Variants in RARB observed in about 807,000 individuals in gnomAD.
The protein encoded by RARB is HBV-activated protein.
RARB carries 17 observed loss-of-function variants against 51.9 expected under a neutral mutation model. The ratio of observed to expected loss-of-function variants is 0.33; its 90% CI spans 0.22 to 0.49. The LOEUF (loss-of-function observed/expected upper bound fraction) is 0.49. Ranked by LOEUF, RARB falls within the 20% of genes least tolerant of loss-of-function variation. RARB has a pLI of 0.99. For synonymous variants in RARB, 215 were observed against 195.4 expected (o/e 1.10, Z -0.84); for missense variants, 369 against 550.8 (o/e 0.67, Z 3.30).
intron 5 of RARB, among the ~76,000 whole-genome samples, chr3:25,406,723 G>A (rs1196564645): frequency 6.6e-6 from 1 of 152,200 alleles, no homozygotes; most frequent in Admixed American, 6.5e-5. Context: ...AGCCCATAAT[G>A]GGAATGAAGG....
intron 3 of RARB, among the ~76,000 whole-genome samples, chr3:25,071,686 A>C (rs1332244897): frequency 6.6e-6 from 1 of 152,234 alleles, no homozygotes; most frequent in African/African-American, 2.4e-5. Context: ...TGGCATGATT[A>C]AAAAGGTAAA....
At chr3:25,201,119 G>C (rs904823264) in intron 5 of RARB, among the ~76,000 whole-genome samples, 1 of 151,948 alleles carries the variant, frequency 6.6e-6, no homozygotes, top group Non-Finnish European at 1.5e-5. Context: ...ACAGTCGTTT[G>C]TAGTTCTCCT....
intron 2 of RARB, among the ~76,000 whole-genome samples, chr3:25,012,068 T>C (rs931497083): frequency 1.3e-5 from 2 of 152,090 alleles, no homozygotes; most frequent in African/African-American, 2.4e-5. Context: ...ATAAATTCAA[T>C]CTCAGTGGGG....
At chr3:25,099,716 A>G (rs1407789331) in intron 3 of RARB, among the ~76,000 whole-genome samples, 1 of 151,572 alleles carries the variant, frequency 6.6e-6, no homozygotes, top group Non-Finnish European at 1.5e-5. Flanking sequence ...AGGTCACTGG[A>G]GTCCTTCCCT....
chr3:24,882,351 A>G (rs1366834310), intron 2 of RARB, among the ~76,000 whole-genome samples: 3 of 152,210 alleles, frequency 2.0e-5, no homozygotes, highest in African/African-American at 7.2e-5. Flanking sequence ...CTTGTTATTC[A>G]CTAAACAATA....
chr3:25,377,745 C>T (rs1706507381), intron 5 of RARB, among the ~76,000 whole-genome samples: 1 of 152,064 alleles, frequency 6.6e-6, no homozygotes, highest in African/African-American at 2.4e-5. Context: ...TTTGAGTTAC[C>T]CGTGAGAGAA....
chr3:25,279,606 C>T (rs1188778628), intron 5 of RARB, among the ~76,000 whole-genome samples: 1 of 151,150 alleles, frequency 6.6e-6, no homozygotes, highest in African/African-American at 2.4e-5. Flanking sequence ...AAATGTTTTT[C>T]TCTGACAGCT....
At chr3:25,253,983 A>G (rs1178221652) in intron 5 of RARB, among the ~76,000 whole-genome samples, 1 of 152,206 alleles carries the variant, frequency 6.6e-6, no homozygotes, top group Non-Finnish European at 1.5e-5. Context: ...TAGTTCATGC[A>G]TAAGGGGTTC....
intron 2 of RARB, among the ~76,000 whole-genome samples, chr3:24,974,962 G>T (rs141580315): frequency 2.0e-5 from 3 of 152,272 alleles, no homozygotes; most frequent in African/African-American, 7.2e-5. Flanking sequence ...TGGCCAATCA[G>T]TATGGTAGCC....
intron 3 of RARB, among the ~76,000 whole-genome samples, chr3:25,103,833 C>A (rs973493276): frequency 2.0e-5 from 3 of 152,176 alleles, no homozygotes; most frequent in African/African-American, 7.2e-5. Flanking sequence ...CTTTTTCATT[C>A]TTTCTGTGTC....
intron 5 of RARB, among the ~76,000 whole-genome samples, chr3:25,231,855 A>G (rs765719043): frequency 9.2e-5 from 14 of 152,072 alleles, no homozygotes; most frequent in Non-Finnish European, 1.6e-4. Flanking sequence ...TTTTCACTTC[A>G]TAGCAGATCT....
Position 25,428,360 on chromosome 3 carries a change from C to CT in RARB, c.-371dup, listed in dbSNP as rs1708062513. On this transcript the variant is annotated 5_prime_UTR_variant, in exon 1 of 8. Transcript: ENST00000330688. ...TTCCCCCATGCGAGCTGTTTGAGGACTGGGATGCCGAGAACGCGAGCGATC... is the reference window on the plus strand; with the variant it reads ...TTCCCCCATGCGAGCTGTTTGAGGACTTGGGATGCCGAGAACGCGAGCGATC... 8.0e-7 allele frequency: 1 copy of CT among 1,246,946 alleles called. No homozygotes were observed. Among genetic ancestry groups the CT allele is most frequent in the African/African-American group, 1.5e-5 (1 of 64,882 alleles). The allele number at this position is 1,246,946 out of a possible 1,614,324, so 77.2% of individuals were successfully genotyped here.
chr3:25,236,633 G>T (rs1019145452), intron 5 of RARB, among the ~76,000 whole-genome samples: 1 of 152,002 alleles, frequency 6.6e-6, no homozygotes, highest in Non-Finnish European at 1.5e-5. Context: ...ATATAAAAGC[G>T]CTGGTGCTCC....
rs139043744 is a variant in RARB at position 25,181,374 on chromosome 3, G to T, written c.178+6799G>T. On this transcript the variant is annotated intron_variant, in intron 5 of 11. Coordinates refer to the RARB transcript ENST00000383772. ...TAACTTTTCCTTCACTGCTTATCTG[G>T]TGATCTAACACATGGGACATAGTAG... 2.3e-3 allele frequency among the ~76,000 whole-genome samples: 355 copies of T among 152,140 alleles called. 2 individuals are homozygous for T. Among genetic ancestry groups the T allele is most frequent in the East Asian group, 0.02 (105 of 5,174 alleles).
chr3:25,179,400 A>G (rs1262967403), intron 5 of RARB, among the ~76,000 whole-genome samples: 1 of 152,180 alleles, frequency 6.6e-6, no homozygotes, highest in Admixed American at 6.6e-5. Context: ...ATTGAGTTAT[A>G]TTTGTCCTTA....
intron 5 of RARB, among the ~76,000 whole-genome samples, chr3:25,182,293 T>A (rs544218030): frequency 6.6e-6 from 1 of 152,292 alleles, no homozygotes; most frequent in African/African-American, 2.4e-5. Flanking sequence ...AGGGAGTTAA[T>A]AAGTGAGATG....
At chr3:25,383,763 A>T (rs1440989650) in intron 5 of RARB, among the ~76,000 whole-genome samples, 1 of 152,192 alleles carries the variant, frequency 6.6e-6, no homozygotes, top group Middle Eastern at 3.4e-3. Flanking sequence ...CCCCGTCTCT[A>T]TTTAAAAAAT....
At chr3:25,050,812 A>T in intron 2 of RARB, among the ~76,000 whole-genome samples, 1 of 152,186 alleles carries the variant, frequency 6.6e-6, no homozygotes, top group Non-Finnish European at 1.5e-5. Flanking sequence ...GAATATGCAA[A>T]TATTGCTTAC....
intron 2 of RARB, among the ~76,000 whole-genome samples, chr3:25,042,989 C>A (rs544309247): frequency 6.6e-6 from 1 of 152,126 alleles, no homozygotes; most frequent in East Asian, 1.9e-4. Context: ...TCTTCACAGA[C>A]GAAAATGCTG....
Sources: gnomAD v4.1 joint callset for allele counts (sites outside exome capture counted in the v4.1 genomes callset) on GRCh38, gnomAD v4.1.1 for gene constraint, MANE v1.5 for transcripts, NCBI Gene and HGNC (gene_info 2026-07-23, HGNC 2026-07-21) for gene names.